Variants in RSU1 observed in about 807,000 individuals in gnomAD.
RSU1 encodes the protein Ras suppressor protein 1, also known as rsu-1.
Under a neutral mutation model 31.1 loss-of-function variants are expected in RSU1, and 26 were observed. That is an observed-to-expected ratio of 0.84 (90% CI 0.61 to 1.16). The LOEUF (loss-of-function observed/expected upper bound fraction) is 1.16, where lower values mean the gene tolerates loss of function less well. Among genes scored for constraint, RSU1 ranks in the 50% most tolerant of loss-of-function variants. The probability of loss-of-function intolerance (pLI) is 0.00; values close to 1 mark genes in which losing one functional copy is unlikely to be tolerated. For synonymous variants in RSU1, 164 were observed against 136.3 expected (o/e 1.20, Z -1.41); for missense variants, 320 against 339.1 (o/e 0.94, Z 0.44).
At chr10:16,633,906 G>C (rs1445388564) in intron 8 of RSU1, among the ~76,000 whole-genome samples, 3 of 152,226 alleles carry the variant, frequency 2.0e-5, no homozygotes, top group Non-Finnish European at 2.9e-5. Flanking sequence ...CTCCACCACT[G>C]ATCACCACCT....
chr10:16,723,505 T>A lies in RSU1; in HGVS notation c.599-28350A>T, dbSNP rs1250042372. Among the ~76,000 whole-genome samples the A allele has an allele frequency of 4.6e-5, 7 of 152,332 alleles. No homozygotes were observed. The East Asian group carries it at 1.2e-3, about 25-fold the overall frequency. ...AAGAGCTCCAATGGCAGATTCCAGA[T>A]GCTTTTTGATGATGAATGAGATTAA... On this transcript the variant is annotated intron_variant, in intron 7 of 8. Transcript: ENST00000345264.
chr10:16,736,450 G>C (rs960238534), intron 7 of RSU1, among the ~76,000 whole-genome samples: 1 of 152,102 alleles, frequency 6.6e-6, no homozygotes, highest in African/African-American at 2.4e-5. Flanking sequence ...ATCTAGCCCA[G>C]GAGTAAAGAC....
intron 5 of RSU1, among the ~76,000 whole-genome samples, chr10:16,753,946 A>G (rs939685180): frequency 6.6e-6 from 1 of 152,122 alleles, no homozygotes; most frequent in African/African-American, 2.4e-5. Context: ...TTATTTCTAG[A>G]GACAGGGTCT....
chr10:16,752,725 A>C, intron 6 of RSU1, 72 bp from the exon 7 acceptor site: 1 of 1,185,990 alleles, frequency 8.4e-7, no homozygotes, highest in Admixed American at 1.8e-5. Context: ...CTCATCCTCT[A>C]TGTCCTCTCT....
rs145422417 is a variant in RSU1 at position 16,618,982 on chromosome 10, T to C, written c.732-25486A>G. Among the ~76,000 whole-genome samples the C allele has an allele frequency of 5.6e-3, 858 of 152,252 alleles. 10 individuals are homozygous for C. Among genetic ancestry groups the C allele is most frequent in the African/African-American group, 0.02 (810 of 41,536 alleles). On this transcript the variant is annotated intron_variant, in intron 8 of 8. Transcript: ENST00000345264. Reference sequence around the variant, plus strand: ...GTGTTCTGCACGTGTATCCCAGAACTTTAAAAAAATTATAAATAAAATGGG... The same window carrying C: ...GTGTTCTGCACGTGTATCCCAGAACCTTAAAAAAATTATAAATAAAATGGG...
intron 2 of RSU1, among the ~76,000 whole-genome samples, chr10:16,809,596 T>TAAA (rs199945759): frequency 6.6e-6 from 1 of 152,008 alleles, no homozygotes; most frequent in Non-Finnish European, 1.5e-5. Context: ...GTTTAAAAAA[T>TAAA]AAAAAAATTA....
chr10:16,805,405 C>T (rs1838244853), intron 2 of RSU1, among the ~76,000 whole-genome samples: 1 of 152,088 alleles, frequency 6.6e-6, no homozygotes, highest in Non-Finnish European at 1.5e-5. Context: ...GGAGCGGTGG[C>T]TCACGCCTGT....
chr10:16,755,459 A>T lies in RSU1; in HGVS notation c.282-470T>A, dbSNP rs116206100. 6.7e-3 allele frequency among the ~76,000 whole-genome samples: 1,013 copies of T among 151,500 alleles called. 16 individuals are homozygous for T. Among genetic ancestry groups the T allele is most frequent in the African/African-American group, 0.023 (948 of 41,264 alleles). On this transcript the variant is annotated intron_variant, in intron 4 of 8. Coordinates refer to ENST00000345264, the MANE Select transcript of RSU1 (RefSeq NM_012425.4). The stretch of plus-strand genomic sequence containing the variant: ...TAATTAAAAAAAGCATTTATTTAAT[A>T]TTTACAATGACAAAGATTGTACATA...
chr10:16,763,438 C>T (rs1452481624), intron 4 of RSU1, among the ~76,000 whole-genome samples: 1 of 152,122 alleles, frequency 6.6e-6, no homozygotes, highest in Non-Finnish European at 1.5e-5. Context: ...AGGTGCTACG[C>T]ACTTTTAAAC....
At position 16,593,453 on chromosome 10, in the gene RSU1, T is replaced by C. The variant is rs1447710630; in HGVS notation, c.775A>G (p.Lys259Glu). ...HMQANPEPPKKNNDKSKKISR... is the reference protein window; with the variant it reads ...HMQANPEPPKENNDKSKKISR... ...ATCTTTTTCGATTTGTCATTATTCT[T>C]CTTCGGTGGTTCTGGGTTGGCCTGC... Residue 259 changes from lysine to glutamate, a missense_variant, in exon 9 of 9, where the codon AAG (lysine) becomes GAG (glutamate). Coordinates refer to ENST00000345264, the MANE Select transcript of RSU1 (RefSeq NM_012425.4). The C allele has an allele frequency of 6.2e-7, 1 of 1,614,030 alleles. No homozygotes were observed. Among genetic ancestry groups the C allele is most frequent in the Non-Finnish European group, 8.5e-7 (1 of 1,180,016 alleles).
chr10:16,782,159 A>C, intron 2 of RSU1, 75 bp from the exon 3 acceptor site: 1 of 1,180,384 alleles, frequency 8.5e-7, no homozygotes, highest in East Asian at 2.3e-5. Flanking sequence ...GTACTCCTAC[A>C]AAGCAAACGG....
intron 4 of RSU1, among the ~76,000 whole-genome samples, chr10:16,760,236 G>T (rs1024467026): frequency 6.6e-6 from 1 of 152,188 alleles, no homozygotes; most frequent in African/African-American, 2.4e-5. Context: ...AGGGCCGGGC[G>T]CAGTGGCTCA....
chr10:16,785,584 T>C (rs933802204), intron 2 of RSU1, among the ~76,000 whole-genome samples: 9 of 151,300 alleles, frequency 5.9e-5, no homozygotes, highest in Non-Finnish European at 1.0e-4. Flanking sequence ...CTAACCCATT[T>C]ATGAGAACTT....
At chr10:16,650,783 G>T (rs955085702) in intron 8 of RSU1, among the ~76,000 whole-genome samples, 1 of 151,824 alleles carries the variant, frequency 6.6e-6, no homozygotes, top group Non-Finnish European at 1.5e-5. Flanking sequence ...AGGTTTCACC[G>T]TGTTAACCAG....
At chr10:16,684,985 T>C in intron 8 of RSU1, among the ~76,000 whole-genome samples, 1 of 152,174 alleles carries the variant, frequency 6.6e-6, no homozygotes, top group Admixed American at 6.5e-5. Flanking sequence ...TGGTGGCTCA[T>C]GCTTGTAATC....
chr10:16,773,757 A>G (rs1837472064), intron 3 of RSU1, among the ~76,000 whole-genome samples: 1 of 152,114 alleles, frequency 6.6e-6, no homozygotes, highest in South Asian at 2.1e-4. Flanking sequence ...GGTGCCTTGT[A>G]TTTCTTTCCA....
intron 8 of RSU1, among the ~76,000 whole-genome samples, chr10:16,608,038 C>T (rs907210977): frequency 6.6e-6 from 1 of 152,100 alleles, no homozygotes; most frequent in African/African-American, 2.4e-5. Context: ...GCCTTGTTTC[C>T]CACGCTAGTC....
At chr10:16,778,421 C>G (rs1265029825) in intron 3 of RSU1, among the ~76,000 whole-genome samples, 2 of 152,098 alleles carry the variant, frequency 1.3e-5, no homozygotes, top group Non-Finnish European at 2.9e-5. Context: ...CTCCTGGGAG[C>G]AATGAACACT....
At chr10:16,660,017 G>A (rs1169921919) in intron 8 of RSU1, among the ~76,000 whole-genome samples, 1 of 152,192 alleles carries the variant, frequency 6.6e-6, no homozygotes, top group Non-Finnish European at 1.5e-5. Context: ...CAGAGGCCCT[G>A]ACAGCATCAG....
Sources: allele counts gnomAD v4.1 joint callset (sites outside exome capture counted in the v4.1 genomes callset), GRCh38; gene constraint gnomAD v4.1.1; transcripts MANE v1.5; gene names NCBI Gene and HGNC (gene_info 2026-07-23, HGNC 2026-07-21).